Variants in KANSL1 observed in about 807,000 individuals in gnomAD.
KANSL1 encodes the protein KAT8 regulatory NSL complex subunit 1, also known as MLL1/MLL complex subunit KANSL1.
In KANSL1, 22 loss-of-function variants were observed where a neutral mutation model predicts 103.6. That is an observed-to-expected ratio of 0.21 (90% CI 0.15 to 0.30). The LOEUF is 0.30. Among genes scored for constraint, KANSL1 ranks in the 10% least tolerant of loss-of-function variants. The pLI is 1.00. For synonymous variants in KANSL1, 600 were observed against 527.6 expected (o/e 1.14, Z -1.88); for missense variants, 1,337 against 1,399.8 (o/e 0.96, Z 0.72).
chr17:46,081,783 G>A (rs529339636), intron 4 of KANSL1, among the ~76,000 whole-genome samples: 3 of 152,352 alleles, frequency 2.0e-5, no homozygotes, highest in East Asian at 3.9e-4. Flanking sequence ...AACTACGGTT[G>A]TGGGACTTTG....
chr17:46,213,893 G>A (rs1394176655), intron 1 of KANSL1, among the ~76,000 whole-genome samples: 1 of 151,906 alleles, frequency 6.6e-6, no homozygotes, highest in African/African-American at 2.4e-5. Context: ...ACTCCAGCCT[G>A]GGCAACAGAG....
intron 2 of KANSL1, among the ~76,000 whole-genome samples, chr17:46,103,854 T>C (rs371918643): frequency 6.6e-6 from 1 of 152,166 alleles, no homozygotes; most frequent in Admixed American, 6.5e-5. Flanking sequence ...GGTGAAACAC[T>C]GTCTCTACTA....
In KANSL1 at chr17:46,135,025, T is replaced by C. The variant is rs10221273; in HGVS notation, c.1289+35830A>G. On this transcript the variant is annotated intron_variant, in intron 2 of 14. Coordinates refer to ENST00000432791, the MANE Select transcript of KANSL1 (RefSeq NM_015443.4). ...TAATGAATTCTCGTTGCTGTCCCCTTATGGGTCTGGGTCTACCTGATAGTC... is the reference window on the plus strand; with the variant it reads ...TAATGAATTCTCGTTGCTGTCCCCTCATGGGTCTGGGTCTACCTGATAGTC... 6.0e-3 allele frequency among the ~76,000 whole-genome samples: 913 copies of C among 152,260 alleles called. 5 individuals are homozygous for C. The highest frequency in any genetic ancestry group is 0.021 in the African/African-American group (883 of 41,530).
intron 6 of KANSL1, among the ~76,000 whole-genome samples, chr17:46,055,256 G>A (rs569111428): frequency 6.6e-6 from 1 of 151,944 alleles, no homozygotes; most frequent in Non-Finnish European, 1.5e-5. Flanking sequence ...CTGAGGTTAG[G>A]AGTTCAAGAC....
At chr17:46,133,474 G>A (rs1054324534) in intron 2 of KANSL1, among the ~76,000 whole-genome samples, 1 of 152,176 alleles carries the variant, frequency 6.6e-6, no homozygotes, top group Non-Finnish European at 1.5e-5. Flanking sequence ...TATGAGGCAG[G>A]AAAAAGCACA....
rs1337698112 is a variant in KANSL1 at position 46,081,841 on chromosome 17, T to TC, written c.1533+599dup. Reference sequence around the variant, plus strand: ...GACTTAAATCAAGAAATATGAATATTCATAAAACCCAGTAACCTTTTAGGC... The same window carrying TC: ...GACTTAAATCAAGAAATATGAATATTCCATAAAACCCAGTAACCTTTTAGGC... On this transcript the variant is annotated intron_variant, in intron 4 of 14. Coordinates refer to ENST00000432791, the MANE Select transcript of KANSL1 (RefSeq NM_015443.4). Among the ~76,000 whole-genome samples, 6 of 152,270 alleles carry TC rather than the reference T, an allele frequency of 3.9e-5. No individual in the cohort carries two copies. In the East Asian group the frequency reaches 9.6e-4, roughly 24 times the overall value.
intron 6 of KANSL1, among the ~76,000 whole-genome samples, chr17:46,056,897 T>A (rs572002513): frequency 6.6e-6 from 1 of 152,332 alleles, no homozygotes; most frequent in South Asian, 2.1e-4. Context: ...AGCATCTCTG[T>A]CCTCATGGTG....
intron 2 of KANSL1, among the ~76,000 whole-genome samples, chr17:46,132,974 T>C (rs2043942613): frequency 6.6e-6 from 1 of 152,094 alleles, no homozygotes. Flanking sequence ...GATGGAAACC[T>C]GAAGAGATAA....
chr17:46,190,381 A>T (rs1242771565), intron 1 of KANSL1, among the ~76,000 whole-genome samples: 1 of 152,270 alleles, frequency 6.6e-6, no homozygotes, highest in African/African-American at 2.4e-5. Context: ...GGAAGAAAGA[A>T]AATCAGACAA....
chr17:46,158,617 T>A (rs2045565187), intron 2 of KANSL1, among the ~76,000 whole-genome samples: 1 of 152,236 alleles, frequency 6.6e-6, no homozygotes, highest in South Asian at 2.1e-4. Flanking sequence ...CTCAGCTCAC[T>A]GTAACCTCCA....
intron 2 of KANSL1, among the ~76,000 whole-genome samples, chr17:46,158,413 C>G (rs367793289): frequency 6.7e-6 from 1 of 150,206 alleles, no homozygotes; most frequent in Non-Finnish European, 1.5e-5. Flanking sequence ...AGCTGGAGTG[C>G]GGTGGCACGA....
chr17:46,033,067 C>T lies in KANSL1; in HGVS notation c.2837+13G>A. 1.3e-6 allele frequency: 2 copies of T among 1,555,060 alleles called. No homozygotes were observed. Among genetic ancestry groups the T allele is most frequent in the Middle Eastern group, 1.8e-4 (1 of 5,596 alleles). On this transcript the variant is annotated intron_variant, in intron 13 of 14. Transcript: ENST00000432791. ...TCTCCACAGGCCCTGGGGACCCAAGCCTGCCCCATCACCTGCTGCCCCGCC... is the reference window on the plus strand; with the variant it reads ...TCTCCACAGGCCCTGGGGACCCAAGTCTGCCCCATCACCTGCTGCCCCGCC...
chr17:46,177,333 T>C (rs1254292938), intron 1 of KANSL1, among the ~76,000 whole-genome samples: 2 of 127,754 alleles, frequency 1.6e-5, no homozygotes, highest in Admixed American at 8.3e-5. Flanking sequence ...TGCACCTAGT[T>C]TGCAATTAGC....
intron 2 of KANSL1, among the ~76,000 whole-genome samples, chr17:46,166,256 A>C (rs556317311): frequency 1.3e-5 from 2 of 151,706 alleles, no homozygotes; most frequent in African/African-American, 4.8e-5. Context: ...TTACACCTGT[A>C]ATCCCAGCAC....
chr17:46,123,269 C>T (rs888790094), intron 2 of KANSL1, among the ~76,000 whole-genome samples: 1 of 152,136 alleles, frequency 6.6e-6, no homozygotes, highest in African/African-American at 2.4e-5. Flanking sequence ...CCCAGCTACT[C>T]AGGAGGCTGA....
At chr17:46,061,695 A>G (rs994098105) in intron 6 of KANSL1, among the ~76,000 whole-genome samples, 1 of 152,226 alleles carries the variant, frequency 6.6e-6, no homozygotes, top group Non-Finnish European at 1.5e-5. Context: ...AATATTCCAC[A>G]TTCAGAGTTG....
intron 1 of KANSL1, among the ~76,000 whole-genome samples, chr17:46,182,638 G>A (rs764311064): frequency 1.3e-5 from 2 of 152,208 alleles, no homozygotes; most frequent in Non-Finnish European, 2.9e-5. Flanking sequence ...ATTAATTAGC[G>A]TTTTACTATG....
intron 6 of KANSL1, among the ~76,000 whole-genome samples, chr17:46,064,072 C>CAAAAA (rs71786950): frequency 8.0e-6 from 1 of 125,636 alleles, no homozygotes; most frequent in African/African-American, 3.1e-5. Context: ...AAAAAAAAAA[C>CAAAAA]AAAAAAAAAC....
chr17:46,040,909 T>C (rs2077290175), intron 7 of KANSL1: 1 of 152,244 alleles, frequency 6.6e-6, no homozygotes, highest in Non-Finnish European at 1.5e-5. Context: ...ATTAATGTTT[T>C]CTGATGGGCA....
Sources: gnomAD v4.1 joint callset for allele counts (sites outside exome capture counted in the v4.1 genomes callset) on GRCh38, gnomAD v4.1.1 for gene constraint, MANE v1.5 for transcripts, NCBI Gene and HGNC (gene_info 2026-07-23, HGNC 2026-07-21) for gene names.